MINAR1: variants seen among roughly 807,000 people sequenced by gnomAD.
MINAR1 encodes the protein membrane integral NOTCH2 associated receptor 1, also known as major intrinsically disordered Notch2-binding receptor 1.
MINAR1 carries 40 observed loss-of-function variants against 65.1 expected under a neutral mutation model. The ratio of observed to expected loss-of-function variants is 0.61; its 90% CI spans 0.48 to 0.80. MINAR1 has a LOEUF of 0.80. MINAR1 is among the 30% of genes least tolerant of loss of function. The pLI, the probability that MINAR1 is intolerant of heterozygous loss-of-function variation, is 0.00. For synonymous variants in MINAR1, 482 were observed against 449.1 expected, an observed-to-expected ratio of 1.07 and a Z score of -0.93; for missense variants, 1,128 against 1,148.0, an observed-to-expected ratio of 0.98 and a Z score of 0.25.
Position 79,456,649 on chromosome 15 carries a change from C to G in MINAR1, c.502C>G (p.Gln168Glu). The G allele has an allele frequency of 4.3e-6, 7 of 1,614,164 alleles. No individual in the cohort carries two copies. Among genetic ancestry groups the G allele is most frequent in the Non-Finnish European group, 5.9e-6 (7 of 1,180,032 alleles). The change falls in exon 2 of 4, where the codon CAG becomes GAG. Residue 168 changes from glutamine (Q) to glutamate (E), a missense_variant. Gln to Glu is a conservative substitution (Grantham distance 29, BLOSUM62 2). Transcript: ENST00000305428. ...CRKMDCKDCP[Q>E]FVPASEPNFL... The stretch of plus-strand genomic sequence containing the variant: ...GAAGATGGACTGCAAGGACTGCCCA[C>G]AGTTTGTCCCTGCCTCTGAGCCTAA...
intron 3 of MINAR1, among the ~76,000 whole-genome samples, chr15:79,464,000 C>T (rs1366333362): frequency 6.6e-6 from 1 of 152,180 alleles, no homozygotes; most frequent in East Asian, 1.9e-4. Flanking sequence ...CCAGGAGTGC[C>T]CGTTCCGTCC....
In MINAR1 at chr15:79,469,535, A is replaced by G. The variant is rs1895998199; in HGVS notation, c.*1151A>G. On this transcript the variant is annotated 3_prime_UTR_variant, in exon 4 of 4. Coordinates refer to ENST00000305428, the MANE Select transcript of MINAR1 (RefSeq NM_015206.3). ...ATATTATCTGTTTAACCACTTATCT[A>G]TATGTCTATCTATCTATCTATATGT... The G allele has an allele frequency of 6.6e-6, 1 of 151,596 alleles. No homozygotes were observed. 9.4% of individuals were successfully genotyped at this position (151,596 alleles called of 1,614,324 possible).
chr15:79,430,875 C>CTTGTT (rs1331294104), upstream of MINAR1, among the ~76,000 whole-genome samples: 2 of 151,940 alleles, frequency 1.3e-5, no homozygotes, highest in African/African-American at 2.4e-5. Flanking sequence ...CTTTTGTTTG[C>CTTGTT]TTGTTTTGTT....
chr15:79,435,087 C>T (rs1340629778), intron 1 of MINAR1, among the ~76,000 whole-genome samples: 1 of 152,134 alleles, frequency 6.6e-6, no homozygotes, highest in Non-Finnish European at 1.5e-5. Flanking sequence ...CCAGCCTGAC[C>T]AACATGGAGA....
chr15:79,433,052 C>T (rs1389957277), intron 1 of MINAR1, among the ~76,000 whole-genome samples: 1 of 152,152 alleles, frequency 6.6e-6, no homozygotes, highest in African/African-American at 2.4e-5. Flanking sequence ...GTTGTTCTTC[C>T]CGAGGGTTTG....
chr15:79,429,943 C>T (rs1894399973), upstream of MINAR1, among the ~76,000 whole-genome samples: 1 of 152,096 alleles, frequency 6.6e-6, no homozygotes, highest in Admixed American at 6.5e-5. Flanking sequence ...GTATCTGTGT[C>T]CACTTGGGGA....
Position 79,468,970 on chromosome 15 carries a change from A to ATCTTCATG in MINAR1, c.*587_*594dup, listed in dbSNP as rs1895975677. The ATCTTCATG allele has an allele frequency of 6.4e-6, 1 of 157,156 alleles. No individual in the cohort carries two copies. The highest frequency in any genetic ancestry group is 1.4e-5 in the Non-Finnish European group (1 of 70,686). The allele number at this position is 157,156 out of a possible 1,614,324, so 9.7% of individuals were successfully genotyped here. On this transcript the variant is annotated 3_prime_UTR_variant, in exon 4 of 4. Coordinates refer to ENST00000305428, the MANE Select transcript of MINAR1 (RefSeq NM_015206.3). ...CGACAGAGTGTCTGCATCACTGCAG[A>ATCTTCATG]TCTTCATGGAAACATTCTGGACCTT... is the stretch of plus-strand genomic sequence containing the variant.
upstream of MINAR1, among the ~76,000 whole-genome samples, chr15:79,431,826 C>G (rs1244657478): frequency 1.3e-5 from 2 of 152,224 alleles, no homozygotes; most frequent in Non-Finnish European, 2.9e-5. Flanking sequence ...GCTTTCCCCT[C>G]GGCGCTGCAG....
rs560845527 is a variant in MINAR1, at chr15:79,458,540, G to T, written c.2298+95G>T. 7 of 1,436,040 alleles carry T rather than the reference G, an allele frequency of 4.9e-6. No individual in the cohort carries two copies. The East Asian group carries it at 1.4e-4, about 29-fold the overall frequency. The allele number at this position is 1,436,040 out of a possible 1,614,324, so 89.0% of individuals were successfully genotyped here. A position where few individuals can be genotyped will look rare whatever the true frequency, so the allele number is the denominator to read the frequency against. On this transcript the variant is annotated intron_variant, in intron 2 of 3. Coordinates refer to ENST00000305428, the MANE Select transcript of MINAR1 (RefSeq NM_015206.3). The stretch of plus-strand genomic sequence containing the variant: ...GAACATGGCGTTAAACAGGCAAGAG[G>T]CCTGGCCTCTGTGTGCCAGTCATCC...
intron 2 of MINAR1, 45 bp downstream of exon 2, chr15:79,458,490 T>A: frequency 6.3e-7 from 1 of 1,581,446 alleles, no homozygotes; most frequent in Non-Finnish European, 8.6e-7. Flanking sequence ...AGCTTCATCA[T>A]AGCCCTGGTG....
chr15:79,437,602 T>A (rs1455222258), intron 1 of MINAR1, among the ~76,000 whole-genome samples: 1 of 129,750 alleles, frequency 7.7e-6, no homozygotes, highest in African/African-American at 2.9e-5. Flanking sequence ...CATGTGAATG[T>A]GGAGAGGTAA....
At chr15:79,460,922 C>T (rs1179381222) in intron 2 of MINAR1, among the ~76,000 whole-genome samples, 1 of 152,166 alleles carries the variant, frequency 6.6e-6, no homozygotes, top group Non-Finnish European at 1.5e-5. Context: ...GACGGCCAGG[C>T]CCTATTTCAC....
chr15:79,469,046 A>T lies in MINAR1; in HGVS notation c.*662A>T, dbSNP rs890473182. The T allele has an allele frequency of 1.9e-5, 3 of 154,770 alleles. No individual in the cohort carries two copies. Among genetic ancestry groups the T allele is most frequent in the African/African-American group, 7.2e-5 (3 of 41,468 alleles). 9.6% of individuals were successfully genotyped at this position (154,770 alleles called of 1,614,324 possible). The stretch of plus-strand genomic sequence containing the variant: ...AGCTGGACTACCAAGTCAGGCGTGG[A>T]ATGAAGTATGCTCAGACTGCATGAT... On this transcript the variant is annotated 3_prime_UTR_variant, in exon 4 of 4. Transcript: ENST00000305428.
chr15:79,464,076 G>A (rs1895750907), intron 3 of MINAR1, among the ~76,000 whole-genome samples: 1 of 152,106 alleles, frequency 6.6e-6, no homozygotes, highest in Admixed American at 6.5e-5. Context: ...ATCGGGTATG[G>A]CAAGGCTTCC....
intron 2 of MINAR1, among the ~76,000 whole-genome samples, chr15:79,460,330 A>G (rs966788735): frequency 1.3e-5 from 2 of 152,152 alleles, no homozygotes; most frequent in Admixed American, 1.3e-4. Flanking sequence ...ACATGTCAAA[A>G]TCTACAGTTC....
chr15:79,420,569 T>C, the MINAR1 span: 1 of 152,304 alleles, frequency 6.6e-6, no homozygotes, highest in East Asian at 1.9e-4. Flanking sequence ...GTGGGCACTT[T>C]GTAAATTCAT....
the MINAR1 span, chr15:79,412,408 AG>A: frequency 2.0e-5 from 3 of 152,378 alleles, no homozygotes; most frequent in African/African-American, 7.2e-5. Context: ...CACCTTCACC[AG>A]TGCCTTGCCC....
intron 1 of MINAR1, among the ~76,000 whole-genome samples, chr15:79,434,283 C>G (rs1894533815): frequency 6.6e-6 from 1 of 152,116 alleles, no homozygotes; most frequent in Admixed American, 6.5e-5. Context: ...ATACATAATG[C>G]GATTTTTTTT....
rs184379245 is a variant in MINAR1 at position 79,434,047 on chromosome 15, A to G, written c.-51+1507A>G. 5.3e-5 allele frequency among the ~76,000 whole-genome samples: 8 copies of G among 152,284 alleles called. No individual in the cohort carries two copies. In the East Asian group the frequency reaches 1.6e-3, roughly 30 times the overall value. On this transcript the variant is annotated intron_variant, in intron 1 of 3. Transcript: ENST00000305428. Reference sequence around the variant, plus strand: ...TCAGGCTACTGGAGCCTGGAGGGAAAAACCTTAAATGTCTGATAAATAAAG... The same window carrying G: ...TCAGGCTACTGGAGCCTGGAGGGAAGAACCTTAAATGTCTGATAAATAAAG...
Sources: allele counts gnomAD v4.1 joint callset (sites outside exome capture counted in the v4.1 genomes callset), GRCh38; gene constraint gnomAD v4.1.1; transcripts MANE v1.5; gene names NCBI Gene and HGNC (gene_info 2026-07-23, HGNC 2026-07-21).